The following RFX4 variants were observed in gnomAD, a reference collection of about 807,000 sequenced individuals.
The protein encoded by RFX4 is transcription factor RFX4.
A neutral mutation model predicts 95.0 loss-of-function variants in RFX4; 10 were observed. The observed-to-expected ratio is 0.11, with a 90% CI of 0.06 to 0.18. The LOEUF (loss-of-function observed/expected upper bound fraction) is 0.18. Ranked by LOEUF, RFX4 falls within the 10% of genes least tolerant of loss-of-function variation. The pLI, the probability that RFX4 is intolerant of heterozygous loss-of-function variation, is 1.00. For synonymous variants in RFX4, 321 were observed against 340.7 expected (o/e 0.94, Z 0.64); for missense variants, 640 against 922.0 (o/e 0.69, Z 3.96).
chr12:106,684,801 C>A, intron 5 of RFX4: 1 of 1,547,788 alleles, frequency 6.5e-7, no homozygotes, highest in Non-Finnish European at 8.8e-7. Flanking sequence ...TTTCTGATAA[C>A]CATACTGGCA....
chr12:106,715,474 C>G lies in RFX4; in HGVS notation c.1068C>G (p.Asn356Lys), dbSNP rs756275633. 6.2e-7 allele frequency: 1 copy of G among 1,614,106 alleles called. No homozygotes were observed. Among genetic ancestry groups the G allele is most frequent in the African/African-American group, 1.3e-5 (1 of 74,934 alleles). Residue 356 changes from asparagine to lysine, a missense_variant, in exon 11 of 18, where the codon AAC (asparagine) becomes AAG (lysine). By Grantham distance (94) the Asn-to-Lys change is moderately conservative. This residue lies in a region of RFX4 where 96 missense variants were observed against 183.7 expected (regional missense o/e 0.52). Coordinates refer to ENST00000392842, the MANE Select transcript of RFX4 (RefSeq NM_213594.3). ...AAGACTGGAGGAACGTGGACCTGAA[C>G]AGCATCACCAAGCAAACCCTTTACA... ...MLEDWRNVDL[N>K]SITKQTLYTM...
At chr12:106,731,402 T>TAGAGA (rs1049918056) in intron 13 of RFX4, among the ~76,000 whole-genome samples, 21 of 152,332 alleles carry the variant, frequency 1.4e-4, no homozygotes, top group Middle Eastern at 6.8e-3. Flanking sequence ...GTTATTAAAT[T>TAGAGA]AGAGAAGATA....
At chr12:106,725,782 T>C (rs2042483461) in intron 13 of RFX4, among the ~76,000 whole-genome samples, 1 of 151,836 alleles carries the variant, frequency 6.6e-6, no homozygotes, top group African/African-American at 2.4e-5. Context: ...AAGCACAAAA[T>C]AGCATGGTAG....
chr12:106,703,023 T>G (rs1312901735), intron 8 of RFX4, among the ~76,000 whole-genome samples: 1 of 152,200 alleles, frequency 6.6e-6, no homozygotes, highest in Non-Finnish European at 1.5e-5. Flanking sequence ...TTCCAAGAGT[T>G]CTATACTCTC....
intron 1 of RFX4, chr12:106,601,231 C>T: frequency 6.4e-7 from 1 of 1,553,934 alleles, no homozygotes; most frequent in South Asian, 1.2e-5. Context: ...GTCGCCACTG[C>T]CACCGGCAGG....
intron 2 of RFX4, among the ~76,000 whole-genome samples, chr12:106,630,346 G>A (rs902836755): frequency 5.3e-5 from 8 of 152,020 alleles, no homozygotes; most frequent in African/African-American, 1.9e-4. Context: ...CCTCTTTCTC[G>A]CTCCAAGATT....
intron 1 of RFX4, chr12:106,601,192 G>A: frequency 6.5e-7 from 1 of 1,531,328 alleles, no homozygotes; most frequent in Non-Finnish European, 8.8e-7. Flanking sequence ...ACAGCTGCTG[G>A]CTTCCTGGGC....
At chr12:106,719,825 C>A in intron 11 of RFX4, 135 bp from the exon 12 acceptor site, 1 of 662,836 alleles carries the variant, frequency 1.5e-6, no homozygotes, top group Non-Finnish European at 2.6e-6. Flanking sequence ...GTCTTGAATG[C>A]TCTGCTAAGA....
At chr12:106,655,953 C>A (rs1353737046) in intron 4 of RFX4, among the ~76,000 whole-genome samples, 1 of 152,198 alleles carries the variant, frequency 6.6e-6, no homozygotes. Flanking sequence ...TTCTGCAAAA[C>A]AAATAAAAAC....
intron 2 of RFX4, among the ~76,000 whole-genome samples, chr12:106,633,680 G>A (rs1459425328): frequency 1.3e-5 from 2 of 152,194 alleles, no homozygotes; most frequent in Non-Finnish European, 2.9e-5. Context: ...ACCCATGCCT[G>A]CCTGTCCTCA....
At position 106,678,509 on chromosome 12, in the gene RFX4, A is replaced by G. The variant is rs17038651; in HGVS notation, c.316-3484A>G. 8.6e-3 allele frequency among the ~76,000 whole-genome samples: 1,315 copies of G among 152,340 alleles called. 14 individuals are homozygous for G. Among genetic ancestry groups the G allele is most frequent in the African/African-American group, 0.024 (985 of 41,580 alleles). ...AAAGAAAGAAAAAAATAACAACACT[A>G]TAACACTCTGGTAGATTTTAGGTGC... On this transcript the variant is annotated intron_variant, in intron 4 of 17. Coordinates refer to ENST00000392842, the MANE Select transcript of RFX4 (RefSeq NM_213594.3).
Position 106,720,195 on chromosome 12 carries a change from G to A in RFX4, c.1233+141G>A, listed in dbSNP as rs2042369642. ...AGGCCCCAGGAGGTGGAGGGGTCAG[G>A]AGGCAGGACTCTTGAGTCTTCCATC... On this transcript the variant is annotated intron_variant, in intron 12 of 17. Coordinates refer to ENST00000392842, the MANE Select transcript of RFX4 (RefSeq NM_213594.3). The surrounding 1 kb of genome is among the most constrained non-coding windows in gnomAD (Gnocchi z 4.2). 1 of 673,846 alleles carries A rather than the reference G, an allele frequency of 1.5e-6. No individual in the cohort carries two copies. Among genetic ancestry groups the A allele is most frequent in the Non-Finnish European group, 2.6e-6 (1 of 383,468 alleles). The allele number at this position is 673,846 out of a possible 1,614,324, so 41.7% of individuals were successfully genotyped here.
At chr12:106,684,550 G>A (rs2041600355) in intron 5 of RFX4, 6 of 411,236 alleles carry the variant, frequency 1.5e-5, no homozygotes, top group Non-Finnish European at 2.4e-5. Context: ...CGTGATCTCT[G>A]AATAGTCAAG....
At chr12:106,608,741 T>C in intron 1 of RFX4, 56 bp from the exon 2 acceptor site, 1 of 1,492,228 alleles carries the variant, frequency 6.7e-7, no homozygotes, top group South Asian at 1.3e-5. Context: ...ACAGCAATTC[T>C]GTGATTTTCT....
At chr12:106,651,513 C>G (rs1252040669) in intron 3 of RFX4, among the ~76,000 whole-genome samples, 3 of 152,230 alleles carry the variant, frequency 2.0e-5, no homozygotes, top group African/African-American at 7.2e-5. Flanking sequence ...CTACTCTCAT[C>G]TACACATCAA....
chr12:106,746,794 C>T (rs1400422647), intron 15 of RFX4, among the ~76,000 whole-genome samples: 1 of 152,148 alleles, frequency 6.6e-6, no homozygotes, highest in Admixed American at 6.5e-5. Context: ...TTGAGTTGAG[C>T]GCTGAAAAGT....
chr12:106,616,459 T>A (rs2040076172), intron 2 of RFX4, among the ~76,000 whole-genome samples: 1 of 152,128 alleles, frequency 6.6e-6, no homozygotes, highest in African/African-American at 2.4e-5. Context: ...CAGGTTTTGG[T>A]GTCAAGATTA....
chr12:106,605,804 A>G (rs965676017), intron 1 of RFX4, among the ~76,000 whole-genome samples: 1 of 152,150 alleles, frequency 6.6e-6, no homozygotes, highest in African/African-American at 2.4e-5. Context: ...GTGAGACCAG[A>G]CTTATTCTGG....
intron 3 of RFX4, among the ~76,000 whole-genome samples, chr12:106,648,242 TGGA>T (rs1276744170): frequency 1.3e-5 from 2 of 152,002 alleles, no homozygotes; most frequent in Non-Finnish European, 2.9e-5. Context: ...TGGAACACGG[TGGA>T]GGAGGTCATC....
Sources: allele counts gnomAD v4.1 joint callset (sites outside exome capture counted in the v4.1 genomes callset), GRCh38; gene constraint gnomAD v4.1.1; regional missense constraint gnomAD v4.1.1; non-coding constraint Gnocchi (gnomAD v3.1); transcripts MANE v1.5; gene names NCBI Gene and HGNC (gene_info 2026-07-23, HGNC 2026-07-21).